The following CSMD1 variants were observed in gnomAD, a reference collection of about 807,000 sequenced individuals.
CSMD1 encodes the protein CUB and Sushi multiple domains 1.
CSMD1 carries 213 observed loss-of-function variants against 417.5 expected under a neutral mutation model. That is an observed-to-expected ratio of 0.51 (90% confidence interval 0.46 to 0.57). The LOEUF (loss-of-function observed/expected upper bound fraction) is 0.57, where lower values mean the gene tolerates loss of function less well. Ranked by LOEUF, CSMD1 falls within the 20% of genes least tolerant of loss-of-function variation. CSMD1 has a pLI of 0.00. For missense variants in CSMD1, 6,923 were observed against 4,529.7 expected (o/e 1.53, Z -15.17); for synonymous variants, 2,862 against 1,736.8 (o/e 1.65, Z -16.11).
At chr8:3,663,040 G>A (rs1484143397) in intron 7 of CSMD1, among the ~76,000 whole-genome samples, 1 of 152,072 alleles carries the variant, frequency 6.6e-6, no homozygotes, top group African/African-American at 2.4e-5. Context: ...CCATTTGTCT[G>A]GCAGTGGGAA....
At chr8:3,883,671 C>G (rs934833163) in intron 5 of CSMD1, among the ~76,000 whole-genome samples, 1 of 152,032 alleles carries the variant, frequency 6.6e-6, no homozygotes, top group African/African-American at 2.4e-5. Flanking sequence ...TTTACACTAA[C>G]TTCTATCAAT....
intron 1 of CSMD1, among the ~76,000 whole-genome samples, chr8:4,879,436 T>A (rs1022520743): frequency 6.6e-6 from 1 of 151,956 alleles, no homozygotes; most frequent in Non-Finnish European, 1.5e-5. Flanking sequence ...TAGGAGGAAG[T>A]TTAGGGGATC....
chr8:4,286,955 G>C (rs532656513), intron 3 of CSMD1, among the ~76,000 whole-genome samples: 2 of 152,292 alleles, frequency 1.3e-5, no homozygotes, highest in East Asian at 3.9e-4. Context: ...CAATTCCATA[G>C]AGGCAGCTGA....
At chr8:3,563,262 T>G (rs1398904575) in intron 10 of CSMD1, among the ~76,000 whole-genome samples, 1 of 151,944 alleles carries the variant, frequency 6.6e-6, no homozygotes, top group Non-Finnish European at 1.5e-5. Context: ...TTTAGTGACT[T>G]TTCTCACACT....
intron 7 of CSMD1, among the ~76,000 whole-genome samples, chr8:3,685,867 T>C (rs1799919157): frequency 1.3e-5 from 2 of 152,108 alleles, no homozygotes; most frequent in African/African-American, 2.4e-5. Flanking sequence ...GAGAATGGGG[T>C]ATCCATCCCA....
At chr8:3,785,295 AATG>A (rs1482390256) in intron 5 of CSMD1, among the ~76,000 whole-genome samples, 2 of 152,236 alleles carry the variant, frequency 1.3e-5, no homozygotes, top group Admixed American at 6.5e-5. Flanking sequence ...TTATAAAATA[AATG>A]ATGAAACTTC....
At chr8:4,668,599 G>C (rs147252703) in intron 1 of CSMD1, among the ~76,000 whole-genome samples, 1 of 151,672 alleles carries the variant, frequency 6.6e-6, no homozygotes, top group South Asian at 2.1e-4. Flanking sequence ...ACAGGCGTCC[G>C]CCACCACGCC....
intron 5 of CSMD1, among the ~76,000 whole-genome samples, chr8:3,839,184 T>A (rs910717149): frequency 7.9e-6 from 1 of 126,766 alleles, no homozygotes; most frequent in Admixed American, 9.9e-5. Flanking sequence ...TATTTATATA[T>A]AATAAATAAA....
chr8:4,076,040 A>G (rs1435292865), intron 3 of CSMD1, among the ~76,000 whole-genome samples: 1 of 152,156 alleles, frequency 6.6e-6, no homozygotes, highest in Admixed American at 6.5e-5. Flanking sequence ...TTATGGAAAG[A>G]TAAGTGATAT....
At chr8:4,950,989 C>CAAAAACAA (rs200081305) in intron 1 of CSMD1, among the ~76,000 whole-genome samples, 1 of 33,018 alleles carries the variant, frequency 3.0e-5, no homozygotes, top group African/African-American at 9.3e-5. Context: ...AAAACAAAAA[C>CAAAAACAA]AAACAAACAA....
intron 3 of CSMD1, among the ~76,000 whole-genome samples, chr8:4,204,604 A>G (rs1214553700): frequency 6.6e-6 from 1 of 152,194 alleles, no homozygotes; most frequent in South Asian, 2.1e-4. Flanking sequence ...TAATTGCATA[A>G]AAGTGTGTAA....
At chr8:3,579,096 G>C (rs1800273097) in intron 9 of CSMD1, among the ~76,000 whole-genome samples, 1 of 152,154 alleles carries the variant, frequency 6.6e-6, no homozygotes, top group Admixed American at 6.5e-5. Context: ...GATGTTACTT[G>C]CTTGGCAGTT....
intron 3 of CSMD1, among the ~76,000 whole-genome samples, chr8:4,237,250 G>A (rs759134153): frequency 7.2e-5 from 11 of 152,104 alleles, no homozygotes; most frequent in Non-Finnish European, 1.5e-5. Flanking sequence ...CTGCCCTTTG[G>A]TCCTGAAGAG....
intron 5 of CSMD1, among the ~76,000 whole-genome samples, chr8:3,937,704 C>A (rs1810600531): frequency 6.6e-6 from 1 of 152,098 alleles, no homozygotes; most frequent in Non-Finnish European, 1.5e-5. Flanking sequence ...GACATCTTAT[C>A]AGACATTATA....
chr8:4,976,719 A>T (rs1219587749), intron 1 of CSMD1, among the ~76,000 whole-genome samples: 1 of 152,218 alleles, frequency 6.6e-6, no homozygotes, highest in African/African-American at 2.4e-5. Flanking sequence ...ACCCCATGCC[A>T]TGTCCAGCAT....
intron 3 of CSMD1, among the ~76,000 whole-genome samples, chr8:4,032,591 T>C (rs1490097891): frequency 1.3e-5 from 2 of 152,188 alleles, no homozygotes; most frequent in Non-Finnish European, 1.5e-5. Flanking sequence ...TCAATCAACA[T>C]TTGATGGATA....
At chr8:4,712,566 C>T (rs1171053647) in intron 1 of CSMD1, among the ~76,000 whole-genome samples, 1 of 152,090 alleles carries the variant, frequency 6.6e-6, no homozygotes, top group Non-Finnish European at 1.5e-5. Context: ...TAGAAGAGAA[C>T]AGAAAGAAGG....
chr8:3,681,235 G>C (rs1799645606), intron 7 of CSMD1, among the ~76,000 whole-genome samples: 1 of 152,188 alleles, frequency 6.6e-6, no homozygotes, highest in South Asian at 2.1e-4. Flanking sequence ...ATTAGGAAAA[G>C]AGGAAGTCAA....
In CSMD1 at chr8:3,732,823, A is replaced by C. The variant is rs146266362; in HGVS notation, c.931+21107T>G. Among the ~76,000 whole-genome samples, 578 of 152,296 alleles carry C rather than the reference A, an allele frequency of 3.8e-3. 5 individuals carry two copies. Among genetic ancestry groups the C allele is most frequent in the African/African-American group, 0.013 (552 of 41,572 alleles). On this transcript the variant is annotated intron_variant, in intron 6 of 69. Coordinates refer to ENST00000635120, the MANE Select transcript of CSMD1 (RefSeq NM_033225.6). ...CGTTTCACCTGGCCTCATCTCAGGT[A>C]TTTATCGAGTGATTCAAGACTATTT...
Sources: allele counts gnomAD v4.1 joint callset (sites outside exome capture counted in the v4.1 genomes callset), GRCh38; gene constraint gnomAD v4.1.1; transcripts MANE v1.5; gene names NCBI Gene and HGNC (gene_info 2026-07-23, HGNC 2026-07-21).